ZNF569: variants seen among roughly 807,000 people sequenced by gnomAD.
ZNF569 encodes the protein zinc finger protein 569.
ZNF569 carries 38 observed loss-of-function variants against 56.3 expected under a neutral mutation model. The observed-to-expected ratio is 0.68, with a 90% CI of 0.52 to 0.88. The LOEUF is 0.88. Among genes scored for constraint, ZNF569 ranks in the 40% least tolerant of loss-of-function variants. The pLI, the probability that ZNF569 is intolerant of heterozygous loss-of-function variation, is 0.00. For missense variants in ZNF569, 666 were observed against 809.2 expected (o/e 0.82, Z 2.15); for synonymous variants, 241 against 262.9 (o/e 0.92, Z 0.81).
chr19:37,450,894 T>A (rs2041580958), intron 2 of ZNF569, among the ~76,000 whole-genome samples: 1 of 152,234 alleles, frequency 6.6e-6, no homozygotes, highest in African/African-American at 2.4e-5. Flanking sequence ...TATTCAAGAT[T>A]ATGTTCATTT....
chr19:37,456,974 AAAAAAAC>A (rs778030886), intron 2 of ZNF569, among the ~76,000 whole-genome samples: 4,363 of 151,468 alleles, frequency 0.029, 185 homozygotes, highest in African/African-American at 0.092. Context: ...TCTCAAAAAA[AAAAAAAC>A]AAAAAACAAA....
intron 2 of ZNF569, among the ~76,000 whole-genome samples, chr19:37,454,421 T>G (rs977377771): frequency 1.3e-5 from 2 of 152,168 alleles, no homozygotes; most frequent in Admixed American, 1.3e-4. Context: ...CTTGGGGATG[T>G]GGCCTTCACA....
At chr19:37,423,027 T>A (rs2041064212) in intron 5 of ZNF569, among the ~76,000 whole-genome samples, 1 of 152,250 alleles carries the variant, frequency 6.6e-6, no homozygotes, top group Admixed American at 6.5e-5. Context: ...ATGAAACAAA[T>A]TTTCAAATAT....
At chr19:37,446,973 A>T (rs530246548) in intron 2 of ZNF569, among the ~76,000 whole-genome samples, 1 of 152,366 alleles carries the variant, frequency 6.6e-6, no homozygotes, top group East Asian at 1.9e-4. Flanking sequence ...GAAAGAAGAT[A>T]TACAAATGGC....
At chr19:37,455,824 C>T (rs2041662455) in intron 2 of ZNF569, among the ~76,000 whole-genome samples, 1 of 152,122 alleles carries the variant, frequency 6.6e-6, no homozygotes, top group Non-Finnish European at 1.5e-5. Flanking sequence ...GATATAAGGG[C>T]TGGACCCACT....
chr19:37,427,941 C>T, intron 3 of ZNF569: 1 of 285,950 alleles, frequency 3.5e-6, no homozygotes, highest in Non-Finnish European at 7.4e-6. Flanking sequence ...CACACTCTTG[C>T]TGGGACTACC....
At chr19:37,462,413 A>G (rs901349599) in intron 2 of ZNF569, among the ~76,000 whole-genome samples, 1 of 149,818 alleles carries the variant, frequency 6.7e-6, no homozygotes, top group East Asian at 2.0e-4. Context: ...CACTTCTTCC[A>G]TTTAGAAAAA....
chr19:37,427,357 G>A (rs184681456), intron 3 of ZNF569, among the ~76,000 whole-genome samples: 1 of 152,060 alleles, frequency 6.6e-6, no homozygotes, highest in Admixed American at 6.6e-5. Context: ...AAAAACTGGT[G>A]AACTTCTTAA....
At chr19:37,430,865 A>G (rs1412876886) in intron 3 of ZNF569, among the ~76,000 whole-genome samples, 1 of 152,200 alleles carries the variant, frequency 6.6e-6, no homozygotes. Context: ...GTTCTGAGAG[A>G]GAATCTGTGC....
At chr19:37,425,653 T>C (rs1365399506) in intron 5 of ZNF569, 2 of 379,650 alleles carry the variant, frequency 5.3e-6, no homozygotes, top group Non-Finnish European at 9.7e-6. Context: ...TTTTAAGAGA[T>C]GAGGTCTCAC....
In ZNF569 at chr19:37,426,507, T is replaced by C. The variant is rs1284623668; in HGVS notation, c.16-129A>G. 4 of 967,082 alleles carry C rather than the reference T, an allele frequency of 4.1e-6. No individual in the cohort carries two copies. In the African/African-American group the frequency reaches 6.6e-5, roughly 16 times the overall value. 59.9% of individuals were successfully genotyped at this position (967,082 alleles called of 1,614,324 possible). A position where few individuals can be genotyped will look rare whatever the true frequency, so the allele number is the denominator to read the frequency against. ...AGCCCATCATATTAGCAGCATCCTG[T>C]CATTTATGTTCATTCACTGATTAGC... is the stretch of plus-strand genomic sequence containing the variant. On this transcript the variant is annotated intron_variant, in intron 3 of 5. Coordinates refer to ENST00000316950, the MANE Select transcript of ZNF569 (RefSeq NM_152484.3).
intron 5 of ZNF569, among the ~76,000 whole-genome samples, chr19:37,423,312 A>T (rs2041068956): frequency 6.6e-6 from 1 of 152,212 alleles, no homozygotes; most frequent in South Asian, 2.1e-4. Flanking sequence ...TCAACAGGTA[A>T]CATCTACCAA....
intron 5 of ZNF569, among the ~76,000 whole-genome samples, chr19:37,414,746 AAAC>A (rs1200758951): frequency 1.3e-5 from 2 of 152,166 alleles, no homozygotes; most frequent in African/African-American, 4.8e-5. Context: ...GATAGAGAAA[AAAC>A]AAAAACAGGA....
chr19:37,460,135 TG>T (rs781302969), intron 2 of ZNF569, among the ~76,000 whole-genome samples: 92 of 152,184 alleles, frequency 6.0e-4, no homozygotes, highest in Admixed American at 2.1e-3. Flanking sequence ...AAGATGGTAG[TG>T]TTTTTTTGTT....
upstream of ZNF569, chr19:37,469,021 C>T: frequency 1.0e-6 from 1 of 984,714 alleles, no homozygotes; most frequent in Non-Finnish European, 1.2e-6. Context: ...ACTCCCCGCC[C>T]TGGTTGCTAA....
chr19:37,461,826 C>T (rs940400292), intron 2 of ZNF569, among the ~76,000 whole-genome samples: 5 of 152,178 alleles, frequency 3.3e-5, no homozygotes, highest in Non-Finnish European at 5.9e-5. Context: ...CATTATTCCT[C>T]TTTGCTTCAT....
At chr19:37,461,879 T>C (rs1267623522) in intron 2 of ZNF569, among the ~76,000 whole-genome samples, 3 of 152,218 alleles carry the variant, frequency 2.0e-5, no homozygotes, top group African/African-American at 7.2e-5. Context: ...CCCTAGCCTG[T>C]CTGGCTGCAA....
At chr19:37,456,488 G>C (rs1017582058) in intron 2 of ZNF569, among the ~76,000 whole-genome samples, 4 of 151,988 alleles carry the variant, frequency 2.6e-5, no homozygotes, top group Non-Finnish European at 4.4e-5. Flanking sequence ...GTTTGAGAAG[G>C]AAGCTCCCAC....
chr19:37,422,762 A>G (rs1195885841), intron 5 of ZNF569, among the ~76,000 whole-genome samples: 1 of 152,162 alleles, frequency 6.6e-6, no homozygotes, highest in African/African-American at 2.4e-5. Context: ...GAAATGAAGA[A>G]TATTATGGTG....
Sources: allele counts gnomAD v4.1 joint callset (sites outside exome capture counted in the v4.1 genomes callset), GRCh38; gene constraint gnomAD v4.1.1; transcripts MANE v1.5; gene names NCBI Gene and HGNC (gene_info 2026-07-23, HGNC 2026-07-21).